The following SYTL2 variants were observed in gnomAD, a reference collection of about 807,000 sequenced individuals.
SYTL2 encodes synaptotagmin like 2.
SYTL2 carries 165 observed loss-of-function variants against 198.7 expected under a neutral mutation model. The ratio of observed to expected loss-of-function variants is 0.83; its 90% CI spans 0.73 to 0.94. SYTL2 has a LOEUF of 0.94. Ranked by LOEUF, SYTL2 falls within the 40% of genes least tolerant of loss-of-function variation. The pLI, the probability that SYTL2 is intolerant of heterozygous loss-of-function variation, is 0.00. For missense variants in SYTL2, 2,835 were observed against 2,582.8 expected, an observed-to-expected ratio of 1.10 and a Z score of -2.12; for synonymous variants, 966 against 917.7, an observed-to-expected ratio of 1.05 and a Z score of -0.95.
chr11:85,791,725 A>G (rs1025077085), intron 1 of SYTL2, among the ~76,000 whole-genome samples: 2 of 152,102 alleles, frequency 1.3e-5, no homozygotes, highest in East Asian at 1.9e-4. Flanking sequence ...CTCTTCTAAC[A>G]TAAGTCAATG....
intron 1 of SYTL2, among the ~76,000 whole-genome samples, chr11:85,791,248 T>C (rs1057004450): frequency 2.8e-5 from 4 of 143,140 alleles, no homozygotes; most frequent in African/African-American, 5.1e-5. Flanking sequence ...TACTTGTACC[T>C]CCCAGGAAGA....
chr11:85,728,413 A>C (rs1269191663), intron 7 of SYTL2, among the ~76,000 whole-genome samples: 2 of 151,956 alleles, frequency 1.3e-5, no homozygotes, highest in African/African-American at 4.8e-5. Context: ...CAGCCTCCCA[A>C]ATAGCTGGGA....
chr11:85,728,994 G>A (rs1479414228), intron 7 of SYTL2, among the ~76,000 whole-genome samples: 1 of 152,110 alleles, frequency 6.6e-6, no homozygotes, highest in Non-Finnish European at 1.5e-5. Context: ...AGACAAAGAA[G>A]GGCATTACAT....
At chr11:85,717,597 A>G in intron 10 of SYTL2, 67 bp from the exon 11 acceptor site, 1 of 1,354,168 alleles carries the variant, frequency 7.4e-7, no homozygotes, top group Admixed American at 1.7e-5. Flanking sequence ...ACATGAAAGT[A>G]AAGCTCAAAT....
At chr11:85,847,052 A>T in the SYTL2 span, among the ~76,000 whole-genome samples, 1 of 152,226 alleles carries the variant, frequency 6.6e-6, no homozygotes, top group Non-Finnish European at 1.5e-5. Context: ...TTTTAAAAAA[A>T]TTAACTTTGT....
At chr11:85,789,380 A>ATATATATATATATATATATATATATG (rs2092696804) in intron 1 of SYTL2, among the ~76,000 whole-genome samples, 2 of 72,282 alleles carry the variant, frequency 2.8e-5, no homozygotes, top group Non-Finnish European at 5.6e-5. Flanking sequence ...ATATATATGT[A>ATATATATATATATATATATATATATG]TATATATATA....
In SYTL2 at chr11:85,725,191, C is replaced by T. The variant is rs1218327454; in HGVS notation, c.4167G>A (p.Arg1389=). 6.2e-7 allele frequency: 1 copy of T among 1,614,032 alleles called. No individual in the cohort carries two copies. The highest frequency in any genetic ancestry group is 8.5e-7 in the Non-Finnish European group (1 of 1,180,022). The stretch of plus-strand genomic sequence containing the variant: ...GGTTCACTTCTCCAGGACCTACTTC[C>T]CTTCCAGCTGGATAACTTAACCATA... ...GEVWLSYPAG[R]EVGPGEVNPE... is the part of the protein sequence containing the mutation. The change falls in exon 8 of 20, where the codon AGG becomes AGA. Residue 1389 remains arginine (R), a synonymous_variant. Coordinates refer to ENST00000359152, the MANE Select transcript of SYTL2 (RefSeq NM_206927.4).
At chr11:85,710,142 A>C (rs1040058876) in intron 13 of SYTL2, among the ~76,000 whole-genome samples, 1 of 152,218 alleles carries the variant, frequency 6.6e-6, no homozygotes, top group African/African-American at 2.4e-5. Context: ...ATCCAAAAGA[A>C]AGAAGATGTG....
At chr11:85,851,363 CA>C in the SYTL2 span, among the ~76,000 whole-genome samples, 105 of 152,328 alleles carry the variant, frequency 6.9e-4, no homozygotes, top group Non-Finnish European at 4.6e-4. Flanking sequence ...TTCGCAAAGG[CA>C]GTAAGTTCAT....
At chr11:85,839,786 T>C in the SYTL2 span, among the ~76,000 whole-genome samples, 2 of 152,224 alleles carry the variant, frequency 1.3e-5, no homozygotes, top group African/African-American at 4.8e-5. Flanking sequence ...TTCCTTTCTT[T>C]TGAGTATATA....
chr11:85,710,636 A>T (rs966655591), intron 13 of SYTL2, among the ~76,000 whole-genome samples: 1 of 152,210 alleles, frequency 6.6e-6, no homozygotes, highest in African/African-American at 2.4e-5. Context: ...ACACTTAAGG[A>T]TATTTCCTTT....
Position 85,734,689 on chromosome 11 carries a change from TTTGGA to T in SYTL2, c.635_639del (p.Ile212LysfsTer34). ...AAAGTCTGCTTTGATTTCTCTAACT[TTTGGA>T]TTGAAGTATCTGCGACAGTTGACTT... is the stretch of plus-strand genomic sequence containing the variant. On this transcript the variant is annotated frameshift_variant, in exon 7 of 20. Transcript: ENST00000359152. LOFTEE classifies it high-confidence loss of function. 6.2e-7 allele frequency: 1 copy of T among 1,614,104 alleles called. No homozygotes were observed. Among genetic ancestry groups the T allele is most frequent in the Non-Finnish European group, 8.5e-7 (1 of 1,179,994 alleles).
At chr11:85,755,162 C>T (rs544337643) in intron 2 of SYTL2, among the ~76,000 whole-genome samples, 20 of 152,232 alleles carry the variant, frequency 1.3e-4, no homozygotes, top group Middle Eastern at 3.4e-3. Context: ...TTCCACCATC[C>T]GAGGAGCAGA....
At chr11:85,706,802 A>T (rs2085228486) in intron 15 of SYTL2, among the ~76,000 whole-genome samples, 1 of 152,150 alleles carries the variant, frequency 6.6e-6, no homozygotes, top group Admixed American at 6.6e-5. Context: ...TGCAATGCTC[A>T]ACTTTATCAG....
At chr11:85,767,633 G>A (rs2092269600) in intron 1 of SYTL2, among the ~76,000 whole-genome samples, 1 of 152,008 alleles carries the variant, frequency 6.6e-6, no homozygotes, top group African/African-American at 2.4e-5. Flanking sequence ...TGGGAATGAG[G>A]GACTCTCCCC....
intron 14 of SYTL2, among the ~76,000 whole-genome samples, chr11:85,708,310 C>G (rs557401632): frequency 6.6e-6 from 1 of 151,752 alleles, no homozygotes; most frequent in South Asian, 2.1e-4. Context: ...TAGTAAATAC[C>G]TAGTCAAGTT....
chr11:85,828,942 A>C, the SYTL2 span, among the ~76,000 whole-genome samples: 3 of 152,168 alleles, frequency 2.0e-5, no homozygotes, highest in African/African-American at 7.2e-5. Flanking sequence ...AGTAGCTCTC[A>C]AACTATACTT....
intron 1 of SYTL2, among the ~76,000 whole-genome samples, chr11:85,780,631 A>G (rs1397795401): frequency 6.6e-6 from 1 of 152,224 alleles, no homozygotes; most frequent in Non-Finnish European, 1.5e-5. Context: ...CCCTTCTCCC[A>G]TACTTTGCCC....
At chr11:85,766,211 G>A (rs1298279514) in intron 1 of SYTL2, among the ~76,000 whole-genome samples, 1 of 152,094 alleles carries the variant, frequency 6.6e-6, no homozygotes, top group Non-Finnish European at 1.5e-5. Flanking sequence ...AAAGTGTCAA[G>A]GGGGGGAGTT....
Sources: gnomAD v4.1 joint callset for allele counts (sites outside exome capture counted in the v4.1 genomes callset) on GRCh38, gnomAD v4.1.1 for gene constraint, MANE v1.5 for transcripts, NCBI Gene and HGNC (gene_info 2026-07-23, HGNC 2026-07-21) for gene names.